NFU1: variants seen among roughly 807,000 people sequenced by gnomAD.
NFU1 encodes NFU1 iron-sulfur cluster scaffold homolog, mitochondrial.
A neutral mutation model predicts 32.2 loss-of-function variants in NFU1; 30 were observed. The observed-to-expected ratio is 0.93, with a 90% CI of 0.70 to 1.26. The LOEUF is 1.26. Ranked by LOEUF, NFU1 falls within the 50% of genes most tolerant of loss-of-function variation. The probability of loss-of-function intolerance (pLI) is 0.00; values close to 1 mark genes in which losing one functional copy is unlikely to be tolerated. For synonymous variants in NFU1, 112 were observed against 104.6 expected, an observed-to-expected ratio of 1.07 and a Z score of -0.43; for missense variants, 306 against 306.6, an observed-to-expected ratio of 1.00 and a Z score of 0.02.
At chr2:69,436,483 G>A (rs1673841446) in intron 1 of NFU1, among the ~76,000 whole-genome samples, 1 of 152,164 alleles carries the variant, frequency 6.6e-6, no homozygotes, top group South Asian at 2.1e-4. Context: ...GAATAAAGAG[G>A]AAGCACATTC....
chr2:69,398,824 G>A (rs1031014119), intron 7 of NFU1, among the ~76,000 whole-genome samples: 1 of 152,124 alleles, frequency 6.6e-6, no homozygotes, highest in Admixed American at 6.6e-5. Flanking sequence ...AGACTTTGGG[G>A]ATAGGTCTAT....
intron 4 of NFU1, among the ~76,000 whole-genome samples, chr2:69,418,199 A>AGC (rs1471753267): frequency 1.3e-5 from 2 of 152,186 alleles, no homozygotes; most frequent in Non-Finnish European, 2.9e-5. Context: ...CAGAAATTTG[A>AGC]GACCAGCCTG....
At chr2:69,416,912 G>T (rs957515941) in intron 4 of NFU1, among the ~76,000 whole-genome samples, 1 of 151,918 alleles carries the variant, frequency 6.6e-6, no homozygotes, top group Non-Finnish European at 1.5e-5. Context: ...AACAAAAAAA[G>T]GAAACAATAT....
intron 5 of NFU1, 70 bp from the exon 6 acceptor site, chr2:69,406,152 C>T: frequency 1.1e-6 from 1 of 894,256 alleles, no homozygotes; most frequent in Non-Finnish European, 1.9e-6. Flanking sequence ...AGTATTAAAA[C>T]AGAATGATTT....
chr2:69,417,482 T>TAAAA (rs1177946128), intron 4 of NFU1, among the ~76,000 whole-genome samples: 1 of 100,776 alleles, frequency 9.9e-6, no homozygotes, highest in African/African-American at 5.0e-5. Flanking sequence ...GTCTCTACAA[T>TAAAA]AAAAAAAAAT....
intron 2 of NFU1, among the ~76,000 whole-genome samples, chr2:69,429,657 T>C (rs1673574642): frequency 6.6e-6 from 1 of 152,174 alleles, no homozygotes; most frequent in Non-Finnish European, 1.5e-5. Context: ...CTCTATACTA[T>C]CTAAAGTAGA....
At chr2:69,409,957 G>A (rs181530265) in intron 5 of NFU1, among the ~76,000 whole-genome samples, 119 of 152,112 alleles carry the variant, frequency 7.8e-4, no homozygotes, top group Middle Eastern at 3.4e-3. Flanking sequence ...ATAAACGTTC[G>A]GTTTTTGTAG....
chr2:69,424,971 G>A (rs1673404478), intron 2 of NFU1, among the ~76,000 whole-genome samples: 1 of 148,546 alleles, frequency 6.7e-6, no homozygotes, highest in Non-Finnish European at 1.5e-5. Context: ...CCACCTCCCA[G>A]GTTCATGCCA....
chr2:69,422,329 A>G (rs959110502), intron 3 of NFU1, among the ~76,000 whole-genome samples: 2 of 152,218 alleles, frequency 1.3e-5, no homozygotes, highest in African/African-American at 4.8e-5. Flanking sequence ...TAATATTTTT[A>G]GACTATGGCT....
At chr2:69,430,415 T>C (rs888340222) in intron 2 of NFU1, among the ~76,000 whole-genome samples, 7 of 152,068 alleles carry the variant, frequency 4.6e-5, no homozygotes, top group Non-Finnish European at 5.9e-5. Flanking sequence ...GGTTTGACCA[T>C]GTTGCTGAGG....
chr2:69,437,549 G>C (rs749543301), upstream of NFU1: 4 of 1,162,480 alleles, frequency 3.4e-6, no homozygotes, highest in South Asian at 5.2e-5. Flanking sequence ...GTCCTGCTGC[G>C]GATAAGTGCG....
At chr2:69,396,624 G>A (rs529050671) in intron 7 of NFU1, among the ~76,000 whole-genome samples, 297 of 151,960 alleles carry the variant, frequency 2.0e-3, no homozygotes, top group African/African-American at 7.0e-3. Context: ...CTGCACTCCA[G>A]CGTGGGCAAC....
At chr2:69,409,378 G>A (rs1056410610) in intron 5 of NFU1, among the ~76,000 whole-genome samples, 1 of 151,986 alleles carries the variant, frequency 6.6e-6, no homozygotes, top group African/African-American at 2.4e-5. Flanking sequence ...TGCTGGTATA[G>A]TTAAAAAATA....
chr2:69,400,286 A>G lies in NFU1; in HGVS notation c.720+78T>C, dbSNP rs1435843988. The G allele has an allele frequency of 5.4e-6, 7 of 1,298,286 alleles. No homozygotes were observed. The East Asian group carries it at 1.6e-4, about 30-fold the overall frequency. The allele number at this position is 1,298,286 out of a possible 1,614,324, so 80.4% of individuals were successfully genotyped here. On this transcript the variant is annotated intron_variant, in intron 7 of 7. Transcript: ENST00000410022. ...CTTCTTTTCAAATACTTGCCTTAACATCTATTTCCAGCCTTTGTATCTACA... is the reference window on the plus strand; with the variant it reads ...CTTCTTTTCAAATACTTGCCTTAACGTCTATTTCCAGCCTTTGTATCTACA...
intron 1 of NFU1, 124 bp downstream of exon 1, chr2:69,437,237 C>A (rs1296571101): frequency 8.7e-6 from 13 of 1,487,434 alleles, no homozygotes; most frequent in Non-Finnish European, 9.8e-6. Flanking sequence ...GGCGACAGGG[C>A]GGACCCGCCG....
chr2:69,424,649 A>G (rs1673393212), intron 2 of NFU1, among the ~76,000 whole-genome samples: 1 of 152,072 alleles, frequency 6.6e-6, no homozygotes. Context: ...TAAACACTTA[A>G]GTCTTATACA....
At chr2:69,420,671 T>C (rs1574137477) in intron 3 of NFU1, among the ~76,000 whole-genome samples, 2 of 152,208 alleles carry the variant, frequency 1.3e-5, no homozygotes, top group South Asian at 4.1e-4. Flanking sequence ...CCTGCACGTA[T>C]CTTGGGCACA....
chr2:69,437,162 C>G, intron 1 of NFU1, 199 bp downstream of exon 1: 1 of 1,228,168 alleles, frequency 8.1e-7, no homozygotes, highest in Admixed American at 2.9e-5. Context: ...AGAGAGTCCG[C>G]CCGGATTAGG....
At chr2:69,431,783 CTA>C in intron 2 of NFU1, 117 bp downstream of exon 2, 1 of 705,742 alleles carries the variant, frequency 1.4e-6, no homozygotes, top group Non-Finnish European at 2.5e-6. Flanking sequence ...TTCCTATATT[CTA>C]TCTATAGGCT....
Sources: gnomAD v4.1 joint callset for allele counts (sites outside exome capture counted in the v4.1 genomes callset) on GRCh38, gnomAD v4.1.1 for gene constraint, MANE v1.5 for transcripts, NCBI Gene and HGNC (gene_info 2026-07-23, HGNC 2026-07-21) for gene names.